Variants in PCDH11Y observed in about 807,000 individuals in gnomAD.
PCDH11Y encodes protocadherin 11 Y-linked.
For missense variants in PCDH11Y, 12 were observed against 224.8 expected (o/e 0.05, Z 6.05); for synonymous variants, 9 against 83.6 (o/e 0.11, Z 4.87).
chrY:5,476,358 A>C (rs2124685193), intron 2 of PCDH11Y, among the ~76,000 whole-genome samples: 2 of 24,188 alleles, frequency 8.3e-5, no homozygotes, highest in South Asian at 2.3e-3. Flanking sequence ...GTAGTGCACT[A>C]AAAAGACTGC....
At chrY:5,415,539 G>A in intron 2 of PCDH11Y, among the ~76,000 whole-genome samples, 1 of 29,772 alleles carries the variant, frequency 3.4e-5, no homozygotes, top group Non-Finnish European at 8.0e-5. Flanking sequence ...CTGCAAGTAG[G>A]CGTGGCCAGG....
chrY:5,626,073 C>A (rs2124703090), intron 4 of PCDH11Y, among the ~76,000 whole-genome samples: 1 of 30,806 alleles, frequency 3.2e-5, no homozygotes, highest in East Asian at 8.6e-4. Context: ...ATTACTGATT[C>A]AACTTTAGAA....
intron 3 of PCDH11Y, among the ~76,000 whole-genome samples, chrY:5,502,766 A>G (rs2053355063): frequency 3.0e-5 from 1 of 33,164 alleles, no homozygotes; most frequent in African/African-American, 1.2e-4. Context: ...GAATATAGAA[A>G]TGGGATAAGT....
At chrY:5,691,113 T>A in intron 4 of PCDH11Y, among the ~76,000 whole-genome samples, 1 of 33,399 alleles carries the variant, frequency 3.0e-5, no homozygotes, top group Non-Finnish European at 7.4e-5. Flanking sequence ...AATCATAATA[T>A]TAAACAAATG....
At chrY:5,493,146 G>T in intron 2 of PCDH11Y, among the ~76,000 whole-genome samples, 1 of 33,129 alleles carries the variant, frequency 3.0e-5, no homozygotes, top group Admixed American at 2.8e-4. Flanking sequence ...CATTAAACAA[G>T]AAATATTTTG....
intron 2 of PCDH11Y, among the ~76,000 whole-genome samples, chrY:5,326,042 G>A (rs1569476754): frequency 3.1e-5 from 1 of 32,762 alleles, no homozygotes. Flanking sequence ...AAGGAGGACC[G>A]TAAGGGATAT....
At chrY:5,137,954 A>G in intron 2 of PCDH11Y, among the ~76,000 whole-genome samples, 1 of 32,675 alleles carries the variant, frequency 3.1e-5, no homozygotes, top group African/African-American at 1.2e-4. Flanking sequence ...CATTTCCCCA[A>G]CCACTTCAGA....
intron 2 of PCDH11Y, among the ~76,000 whole-genome samples, chrY:5,499,335 C>A (rs2053349847): frequency 7.2e-4 from 24 of 33,345 alleles, no homozygotes; most frequent in Non-Finnish European, 2.9e-4. Context: ...CTGGCTGTTA[C>A]ACTCACATGT....
At chrY:5,243,308 C>G in intron 2 of PCDH11Y, among the ~76,000 whole-genome samples, 1 of 33,534 alleles carries the variant, frequency 3.0e-5, no homozygotes, top group Non-Finnish European at 7.3e-5. Flanking sequence ...TGCATGTGTA[C>G]ACACACACAT....
intron 2 of PCDH11Y, among the ~76,000 whole-genome samples, chrY:5,494,741 T>G: frequency 3.0e-5 from 1 of 33,172 alleles, no homozygotes; most frequent in African/African-American, 1.2e-4. Flanking sequence ...ATGAGACTAT[T>G]CAAATTTTAT....
At chrY:5,022,263 G>C in intron 1 of PCDH11Y, among the ~76,000 whole-genome samples, 1 of 31,537 alleles carries the variant, frequency 3.2e-5, no homozygotes, top group Admixed American at 3.0e-4. Context: ...TTTAATATTA[G>C]GGATATTTAT....
chrY:5,515,018 A>G, intron 3 of PCDH11Y, among the ~76,000 whole-genome samples: 5 of 34,026 alleles, frequency 1.5e-4, no homozygotes, highest in Non-Finnish European at 2.9e-4. Context: ...CTGTGCTGAT[A>G]TATAACAAGT....
chrY:5,338,131 G>A, intron 2 of PCDH11Y: 1 of 348,661 alleles, frequency 2.9e-6, no homozygotes, highest in Non-Finnish European at 4.2e-6. Flanking sequence ...GGGTGTTGAT[G>A]AAGATGACTT....
At chrY:5,239,105 G>A (rs2052984898) in intron 2 of PCDH11Y, among the ~76,000 whole-genome samples, 1 of 32,168 alleles carries the variant, frequency 3.1e-5, no homozygotes, top group South Asian at 7.2e-4. Flanking sequence ...AAATCATGCT[G>A]CTATAAAGAC....
intron 4 of PCDH11Y, among the ~76,000 whole-genome samples, chrY:5,645,100 A>T: frequency 6.2e-5 from 2 of 32,407 alleles, no homozygotes; most frequent in Non-Finnish European, 1.5e-4. Flanking sequence ...CAATTTTTTA[A>T]ATTTTAGAAG....
chrY:5,553,921 T>C, intron 3 of PCDH11Y, among the ~76,000 whole-genome samples: 1 of 32,313 alleles, frequency 3.1e-5, no homozygotes, highest in African/African-American at 1.2e-4. Context: ...GGGGTGCTGC[T>C]GAAAAGATAC....
intron 4 of PCDH11Y, among the ~76,000 whole-genome samples, chrY:5,675,707 A>G (rs1192926158): frequency 3.0e-5 from 1 of 33,682 alleles, no homozygotes; most frequent in Non-Finnish European, 7.4e-5. Context: ...AGAAGTCAAT[A>G]AATCTTAACA....
chrY:5,667,931 A>C, intron 4 of PCDH11Y, among the ~76,000 whole-genome samples: 1 of 32,564 alleles, frequency 3.1e-5, no homozygotes, highest in Non-Finnish European at 7.5e-5. Context: ...AAGATGACAG[A>C]GCCAACACCA....
Position 5,166,966 on chromosome Y carries a change from A to C in PCDH11Y, c.3129+66259A>C, listed in dbSNP as rs2124644956. Reference sequence around the variant, plus strand: ...TCAATTAATATATTTTACCATATTAAGAAAACTGAAAAAGGAAAAGCACGT... The same window carrying C: ...TCAATTAATATATTTTACCATATTACGAAAACTGAAAAAGGAAAAGCACGT... On this transcript the variant is annotated intron_variant, in intron 2 of 4. Transcript: ENST00000400457. Among the ~76,000 whole-genome samples the C allele has an allele frequency of 1.2e-4, 4 of 33,121 alleles. No homozygotes were observed. In the East Asian group the frequency reaches 3.2e-3, roughly 26 times the overall value. 88.9% of individuals were successfully genotyped at this position (33,121 alleles called of 37,273 possible). A position where few individuals can be genotyped will look rare whatever the true frequency, so the allele number is the denominator to read the frequency against.
Sources: allele counts gnomAD v4.1 joint callset (sites outside exome capture counted in the v4.1 genomes callset), GRCh38; gene constraint gnomAD v4.1.1; transcripts MANE v1.5; gene names NCBI Gene and HGNC (gene_info 2026-07-23, HGNC 2026-07-21).